The following RBFOX1 variants were observed in gnomAD, a reference collection of about 807,000 sequenced individuals.
RBFOX1 encodes the protein RNA binding protein fox-1 homolog 1.
Under a neutral mutation model 57.7 loss-of-function variants are expected in RBFOX1, and 8 were observed. The observed-to-expected ratio is 0.14, with a 90% CI of 0.08 to 0.25. RBFOX1 has a LOEUF of 0.25. Ranked by LOEUF, RBFOX1 falls within the 10% of genes least tolerant of loss-of-function variation. The pLI is 1.00. For missense variants in RBFOX1, 611 were observed against 548.5 expected (o/e 1.11, Z -1.14); for synonymous variants, 326 against 222.4 (o/e 1.47, Z -4.15).
intron 1 of RBFOX1, among the ~76,000 whole-genome samples, chr16:6,129,092 T>TA (rs35125542): frequency 0.36 from 54,606 of 151,988 alleles, 10,730 homozygotes; most frequent in Non-Finnish European, 0.45. Context: ...TATAATGCAT[T>TA]ATGCATCTTG....
intron 3 of RBFOX1, among the ~76,000 whole-genome samples, chr16:6,669,414 G>T: frequency 6.6e-6 from 1 of 152,042 alleles, no homozygotes; most frequent in East Asian, 1.9e-4. Context: ...TTTTTACTGT[G>T]GCCATCTTAA....
chr16:6,469,878 AC>A (rs1366858338), intron 2 of RBFOX1, among the ~76,000 whole-genome samples: 1 of 152,220 alleles, frequency 6.6e-6, no homozygotes, highest in Non-Finnish European at 1.5e-5. Context: ...GTAGATTTGA[AC>A]CTTACAATCC....
chr16:6,255,085 C>A (rs1214809002), intron 1 of RBFOX1, among the ~76,000 whole-genome samples: 1 of 152,090 alleles, frequency 6.6e-6, no homozygotes, highest in African/African-American at 2.4e-5. Flanking sequence ...GTCCGCGGAC[C>A]TGTTTTTCAG....
intron 4 of RBFOX1, among the ~76,000 whole-genome samples, chr16:7,473,498 T>G (rs2061986561): frequency 6.7e-6 from 1 of 148,304 alleles, no homozygotes; most frequent in Non-Finnish European, 1.5e-5. Context: ...TATGTTTATA[T>G]ATGTACATAT....
rs140261215 is a variant in RBFOX1 at position 7,488,191 on chromosome 16, G to A, written c.28-29956G>A. Among the ~76,000 whole-genome samples the A allele has an allele frequency of 2.5e-3, 374 of 152,282 alleles. 2 individuals carry two copies. The highest frequency in any genetic ancestry group is 8.7e-3 in the African/African-American group (363 of 41,566). On this transcript the variant is annotated intron_variant, in intron 4 of 15. Coordinates refer to ENST00000550418, the MANE Select transcript of RBFOX1 (RefSeq NM_018723.4). The stretch of plus-strand genomic sequence containing the variant: ...GGTCCTGCTCACATCTTCATCTGCA[G>A]CGTGCTCATCCCTGCAGGAGGGGCT...
rs151188991 is a variant in RBFOX1, at chr16:7,224,268, C to T, written c.27+172170C>T. The stretch of plus-strand genomic sequence containing the variant: ...GGCTTCTTTTAGTCATCGTACAAGC[C>T]AGCAGTTATGGACAGTGTTTCTCTA... On this transcript the variant is annotated intron_variant, in intron 4 of 15. Coordinates refer to ENST00000550418, the MANE Select transcript of RBFOX1 (RefSeq NM_018723.4). 3.1e-3 allele frequency among the ~76,000 whole-genome samples: 475 copies of T among 151,800 alleles called. 8 individuals are homozygous for T. The highest frequency in any genetic ancestry group is 0.011 in the African/African-American group (448 of 41,386).
intron 1 of RBFOX1, among the ~76,000 whole-genome samples, chr16:5,360,998 C>T (rs957791843): frequency 1.3e-5 from 2 of 152,136 alleles, no homozygotes; most frequent in Non-Finnish European, 2.9e-5. Context: ...CAAGGCTGCA[C>T]ACGATGCAGG....
intron 3 of RBFOX1, among the ~76,000 whole-genome samples, chr16:5,621,316 C>CTTA (rs2048195008): frequency 6.6e-6 from 1 of 152,108 alleles, no homozygotes; most frequent in South Asian, 2.1e-4. Flanking sequence ...GACCTGTCTC[C>CTTA]AAATAGGTCT....
At position 5,540,001 on chromosome 16, in the gene RBFOX1, T is replaced by C. The variant is rs530955600; in HGVS notation, c.259-58901T>C. ...AGTACATTTTAGCATTTAACCAAGA[T>C]TTTTGCATTCTTTTTCTTCTGTTCT... On this transcript the variant is annotated intron_variant, in intron 2 of 2. Transcript: ENST00000585867. Among the ~76,000 whole-genome samples, 5 of 152,346 alleles carry C rather than the reference T, an allele frequency of 3.3e-5. No individual in the cohort carries two copies. The South Asian group carries it at 1.0e-3, about 32-fold the overall frequency.
chr16:6,878,497 A>C (rs186587800), intron 3 of RBFOX1, among the ~76,000 whole-genome samples: 10 of 152,224 alleles, frequency 6.6e-5, no homozygotes, highest in African/African-American at 2.4e-4. Flanking sequence ...ATGTGATATG[A>C]GCAAGAAATA....
Position 7,703,210 on chromosome 16 carries a change from A to C in RBFOX1, c.996-5846A>C, listed in dbSNP as rs180778396. On this transcript the variant is annotated intron_variant, in intron 14 of 15. Coordinates refer to ENST00000550418, the MANE Select transcript of RBFOX1 (RefSeq NM_018723.4). ...AAGACTATGCCTTAGATATAAGGAT[A>C]AAGGAGGCACTGTAGTCCCTAATTG... 3.7e-4 allele frequency among the ~76,000 whole-genome samples: 56 copies of C among 152,332 alleles called. No homozygotes were observed. The East Asian group carries it at 7.0e-3, about 19-fold the overall frequency.
At chr16:6,114,048 G>A (rs1043460480) in intron 1 of RBFOX1, among the ~76,000 whole-genome samples, 5 of 151,754 alleles carry the variant, frequency 3.3e-5, no homozygotes, top group Middle Eastern at 3.4e-3. Flanking sequence ...ATTATTTACC[G>A]TTCTTCCTAG....
chr16:5,276,638 C>T (rs934654688), intron 1 of RBFOX1, among the ~76,000 whole-genome samples: 4 of 152,132 alleles, frequency 2.6e-5, no homozygotes, highest in Non-Finnish European at 4.4e-5. Context: ...CAAAAATTAG[C>T]CGGGCATGGT....
At chr16:7,098,804 A>T in intron 4 of RBFOX1, among the ~76,000 whole-genome samples, 1 of 152,244 alleles carries the variant, frequency 6.6e-6, no homozygotes, top group South Asian at 2.1e-4. Flanking sequence ...ATAAATAAAT[A>T]AATAATAATT....
intron 4 of RBFOX1, among the ~76,000 whole-genome samples, chr16:7,443,936 T>C (rs2098789416): frequency 6.6e-6 from 1 of 152,222 alleles, no homozygotes; most frequent in South Asian, 2.1e-4. Flanking sequence ...GCCTGAGGCA[T>C]TCCTTTCTCT....
At chr16:6,555,185 G>A (rs1280885605) in intron 2 of RBFOX1, among the ~76,000 whole-genome samples, 2 of 152,080 alleles carry the variant, frequency 1.3e-5, no homozygotes, top group Non-Finnish European at 2.9e-5. Flanking sequence ...TTAAAATCAG[G>A]AGTCCTAGAC....
chr16:5,901,228 C>T (rs992371874), intron 4 of RBFOX1, among the ~76,000 whole-genome samples: 1 of 152,172 alleles, frequency 6.6e-6, no homozygotes, highest in African/African-American at 2.4e-5. Flanking sequence ...ATATCCATCT[C>T]CTCATCCCCC....
intron 1 of RBFOX1, among the ~76,000 whole-genome samples, chr16:6,068,824 C>G (rs2152478776): frequency 6.6e-6 from 1 of 152,238 alleles, no homozygotes; most frequent in African/African-American, 2.4e-5. Flanking sequence ...ATTTCCCAGG[C>G]CTTCTCCCTG....
chr16:6,610,934 A>C (rs12600330), intron 2 of RBFOX1, among the ~76,000 whole-genome samples: 1 of 152,014 alleles, frequency 6.6e-6, no homozygotes, highest in Admixed American at 6.6e-5. Flanking sequence ...AGACCATAAA[A>C]TGTGGAAGAT....
Sources: allele counts gnomAD v4.1 joint callset (sites outside exome capture counted in the v4.1 genomes callset), GRCh38; gene constraint gnomAD v4.1.1; transcripts MANE v1.5; gene names NCBI Gene and HGNC (gene_info 2026-07-23, HGNC 2026-07-21).